DLG2: variants seen among roughly 807,000 people sequenced by gnomAD.
DLG2 encodes discs large MAGUK scaffold protein 2.
Under a neutral mutation model 132.5 loss-of-function variants are expected in DLG2, and 45 were observed. The observed-to-expected ratio is 0.34, with a 90% CI of 0.27 to 0.44. The LOEUF (loss-of-function observed/expected upper bound fraction) is 0.44. Among genes scored for constraint, DLG2 ranks in the 20% least tolerant of loss-of-function variants. The pLI, the probability that DLG2 is intolerant of heterozygous loss-of-function variation, is 1.00. For missense variants in DLG2, 1,045 were observed against 1,196.9 expected, an observed-to-expected ratio of 0.87 and a Z score of 1.87; for synonymous variants, 424 against 419.6, an observed-to-expected ratio of 1.01 and a Z score of -0.13.
chr11:84,691,866 T>C (rs2058084778), intron 6 of DLG2, among the ~76,000 whole-genome samples: 1 of 151,740 alleles, frequency 6.6e-6, no homozygotes, highest in African/African-American at 2.4e-5. Context: ...ACTTTACTCT[T>C]GCCTTCCTTT....
intron 6 of DLG2, among the ~76,000 whole-genome samples, chr11:84,864,152 G>C (rs1353525113): frequency 6.6e-6 from 1 of 152,152 alleles, no homozygotes; most frequent in Non-Finnish European, 1.5e-5. Flanking sequence ...CTGACTACAT[G>C]TTTGGTTTTA....
rs139681118 is a variant in DLG2, at chr11:84,262,689, C to T, written c.520-11398G>A. Among the ~76,000 whole-genome samples, 161 of 152,196 alleles carry T rather than the reference C, an allele frequency of 1.1e-3. 6 individuals carry two copies. In the East Asian group the frequency reaches 0.029, roughly 27 times the overall value. ...TATCCCCTGACCCCCTTTCACTCTTCCCCTCAAATCCCCAAAGTCCACTGC... is the reference window on the plus strand; with the variant it reads ...TATCCCCTGACCCCCTTTCACTCTTTCCCTCAAATCCCCAAAGTCCACTGC... On this transcript the variant is annotated intron_variant, in intron 7 of 27. Coordinates refer to ENST00000376104, the MANE Select transcript of DLG2 (RefSeq NM_001142699.3).
intron 6 of DLG2, among the ~76,000 whole-genome samples, chr11:84,988,602 T>C (rs1322786120): frequency 6.6e-6 from 1 of 152,186 alleles, no homozygotes; most frequent in Non-Finnish European, 1.5e-5. Context: ...ACTATTTTTC[T>C]AAGTGAAGTA....
chr11:84,129,931 T>C (rs1029013734), intron 9 of DLG2, among the ~76,000 whole-genome samples: 1 of 152,050 alleles, frequency 6.6e-6, no homozygotes, highest in South Asian at 2.1e-4. Context: ...AATTACCATA[T>C]AGTAATATAT....
chr11:85,061,995 T>A (rs1018201230), intron 6 of DLG2, among the ~76,000 whole-genome samples: 5 of 151,740 alleles, frequency 3.3e-5, no homozygotes, highest in African/African-American at 1.2e-4. Flanking sequence ...GTTGAAAAAT[T>A]TGAGGTTAAC....
chr11:84,686,589 T>C (rs901619008), intron 6 of DLG2, among the ~76,000 whole-genome samples: 23 of 152,174 alleles, frequency 1.5e-4, no homozygotes, highest in African/African-American at 5.3e-4. Flanking sequence ...GAACTATATT[T>C]TATTTCACCT....
intron 3 of DLG2, among the ~76,000 whole-genome samples, chr11:85,290,058 A>G (rs2078798629): frequency 1.3e-5 from 2 of 152,126 alleles, no homozygotes; most frequent in African/African-American, 2.4e-5. Flanking sequence ...CCTTAAACTC[A>G]GCAAGCACAC....
intron 3 of DLG2, among the ~76,000 whole-genome samples, chr11:85,406,690 T>C (rs1256113285): frequency 6.6e-6 from 1 of 151,974 alleles, no homozygotes; most frequent in Non-Finnish European, 1.5e-5. Flanking sequence ...TATTCATTCA[T>C]TCTTTAACAA....
intron 6 of DLG2, among the ~76,000 whole-genome samples, chr11:85,038,581 G>C (rs562526): frequency 0.71 from 107,191 of 151,882 alleles, 38,861 homozygotes; most frequent in East Asian, 0.91. Flanking sequence ...ATTATATCCC[G>C]CCTCCAACTA....
At chr11:85,392,514 C>T (rs1164318529) in intron 3 of DLG2, among the ~76,000 whole-genome samples, 2 of 151,288 alleles carry the variant, frequency 1.3e-5, no homozygotes, top group Non-Finnish European at 3.0e-5. Flanking sequence ...CAAAGAGGAA[C>T]ATTATATAAT....
chr11:84,649,158 C>A (rs1387845636), intron 6 of DLG2, among the ~76,000 whole-genome samples: 1 of 152,048 alleles, frequency 6.6e-6, no homozygotes, highest in Non-Finnish European at 1.5e-5. Context: ...TGTTTTCTTC[C>A]TGGATCTTGA....
chr11:83,901,717 C>T (rs66866105), intron 15 of DLG2, among the ~76,000 whole-genome samples: 14,759 of 151,944 alleles, frequency 0.097, 855 homozygotes, highest in Middle Eastern at 0.2. Context: ...TTCCATCTGA[C>T]GGTACTAATA....
At chr11:84,330,395 C>A (rs1485700362) in intron 7 of DLG2, among the ~76,000 whole-genome samples, 3 of 152,194 alleles carry the variant, frequency 2.0e-5, no homozygotes. Context: ...CATATGTACT[C>A]ATTTTATCCC....
intron 6 of DLG2, among the ~76,000 whole-genome samples, chr11:84,866,099 G>T (rs1359756749): frequency 2.0e-5 from 3 of 152,180 alleles, no homozygotes; most frequent in Non-Finnish European, 4.4e-5. Context: ...TCCTATAGAG[G>T]TTGTAAATGA....
At chr11:85,576,766 C>A (rs774602440) in intron 3 of DLG2, among the ~76,000 whole-genome samples, 1 of 151,694 alleles carries the variant, frequency 6.6e-6, no homozygotes. Context: ...GAACACATCA[C>A]AAATAAATAT....
At chr11:84,630,958 C>T (rs1309029882) in intron 6 of DLG2, among the ~76,000 whole-genome samples, 2 of 140,798 alleles carry the variant, frequency 1.4e-5, no homozygotes, top group African/African-American at 5.2e-5. Flanking sequence ...TGAACTTGGT[C>T]TGGGTGATTC....
intron 18 of DLG2, among the ~76,000 whole-genome samples, chr11:83,709,513 G>C (rs1014838063): frequency 6.6e-6 from 1 of 151,924 alleles, no homozygotes; most frequent in African/African-American, 2.4e-5. Context: ...AGGTGAATAT[G>C]GTGTTTCATT....
At chr11:84,145,301 G>A (rs886534437) in intron 9 of DLG2, among the ~76,000 whole-genome samples, 4 of 152,288 alleles carry the variant, frequency 2.6e-5, no homozygotes, top group African/African-American at 7.2e-5. Flanking sequence ...ATCATTATGT[G>A]AACACCACAG....
rs76249847 is a variant in DLG2, at chr11:83,487,207, T to C, written c.2194-2979A>G. 6.9e-3 allele frequency among the ~76,000 whole-genome samples: 1,043 copies of C among 152,166 alleles called. 18 individuals carry two copies. Among genetic ancestry groups the C allele is most frequent in the African/African-American group, 0.024 (1,011 of 41,548 alleles). On this transcript the variant is annotated intron_variant, in intron 21 of 27. Coordinates refer to ENST00000376104, the MANE Select transcript of DLG2 (RefSeq NM_001142699.3). The stretch of plus-strand genomic sequence containing the variant: ...TTTCATAGCAGGAAACATCTTTAAA[T>C]AGACACTTTGAAAATACCAATCAAA...
Sources: allele counts gnomAD v4.1 joint callset (sites outside exome capture counted in the v4.1 genomes callset), GRCh38; gene constraint gnomAD v4.1.1; transcripts MANE v1.5; gene names NCBI Gene and HGNC (gene_info 2026-07-23, HGNC 2026-07-21).